Variants in HOMER2 observed in about 807,000 individuals in gnomAD.
The protein encoded by HOMER2 is homer scaffold protein 2, also known as homer protein homolog 2.
A neutral mutation model predicts 47.0 loss-of-function variants in HOMER2; 27 were observed. That is an observed-to-expected ratio of 0.57 (90% CI 0.42 to 0.79). HOMER2 has a LOEUF of 0.79. Among genes scored for constraint, HOMER2 ranks in the 30% least tolerant of loss-of-function variants. The pLI is 0.00. For synonymous variants in HOMER2, 161 were observed against 163.8 expected (o/e 0.98, Z 0.13); for missense variants, 443 against 435.0 (o/e 1.02, Z -0.16).
intron 8 of HOMER2, 54 bp downstream of exon 8, chr15:82,851,097 G>T: frequency 9.0e-7 from 1 of 1,115,214 alleles, no homozygotes; most frequent in Non-Finnish European, 1.3e-6. Context: ...TGAGTACCAT[G>T]ACATTTGTGC....
intron 1 of HOMER2, among the ~76,000 whole-genome samples, chr15:82,979,161 CTG>C (rs1312999014): frequency 6.6e-6 from 1 of 152,244 alleles, no homozygotes; most frequent in African/African-American, 2.4e-5. Flanking sequence ...CCGTGCTGCA[CTG>C]TGAGTCAATT....
intron 1 of HOMER2, among the ~76,000 whole-genome samples, chr15:82,915,876 G>C (rs368028304): frequency 6.6e-6 from 1 of 152,196 alleles, no homozygotes; most frequent in East Asian, 1.9e-4. Flanking sequence ...GTTGAGGATT[G>C]GTTAAATTAA....
intron 3 of HOMER2, among the ~76,000 whole-genome samples, chr15:82,865,263 G>A (rs1326763531): frequency 6.6e-6 from 1 of 152,160 alleles, no homozygotes; most frequent in African/African-American, 2.4e-5. Flanking sequence ...CTTAAAACAC[G>A]AGGTCCAGCA....
chr15:82,941,669 T>C (rs1313169514), intron 1 of HOMER2, among the ~76,000 whole-genome samples: 1 of 151,840 alleles, frequency 6.6e-6, no homozygotes, highest in Non-Finnish European at 1.5e-5. Flanking sequence ...GCCTCACCTA[T>C]GGCTGGCTCC....
At chr15:82,882,397 G>A (rs1280651469) in intron 2 of HOMER2, among the ~76,000 whole-genome samples, 1 of 152,158 alleles carries the variant, frequency 6.6e-6, no homozygotes. Context: ...AGCCAGGCAT[G>A]GCTGCCATCC....
intron 1 of HOMER2, among the ~76,000 whole-genome samples, chr15:82,930,316 C>T (rs1329470486): frequency 6.6e-6 from 1 of 152,156 alleles, no homozygotes; most frequent in Admixed American, 6.6e-5. Flanking sequence ...TTAGTTACCC[C>T]GGCAGAACTC....
chr15:82,871,406 G>C (rs1443157935), intron 3 of HOMER2, among the ~76,000 whole-genome samples: 1 of 152,190 alleles, frequency 6.6e-6, no homozygotes, highest in Non-Finnish European at 1.5e-5. Flanking sequence ...GCTCTGGGAA[G>C]TCAGGAATAC....
At chr15:82,920,771 C>T (rs997589639) in intron 1 of HOMER2, among the ~76,000 whole-genome samples, 3 of 151,952 alleles carry the variant, frequency 2.0e-5, no homozygotes, top group South Asian at 2.1e-4. Flanking sequence ...TATACGGTAA[C>T]GTAGGTTCAG....
intron 2 of HOMER2, among the ~76,000 whole-genome samples, chr15:82,877,740 G>T (rs1260358578): frequency 2.0e-5 from 3 of 152,118 alleles, no homozygotes; most frequent in Non-Finnish European, 2.9e-5. Flanking sequence ...GTCCATCTGA[G>T]TCAGGACATT....
rs114190706 is a variant in HOMER2, at chr15:82,878,263, T to G, written c.163-2859A>C. Among the ~76,000 whole-genome samples the G allele has an allele frequency of 5.9e-4, 90 of 152,324 alleles. 1 individual carries two copies. Among genetic ancestry groups the G allele is most frequent in the African/African-American group, 2.1e-3 (88 of 41,574 alleles). ...CAGGCTATCCCAGAGGCAGTCAAGC[T>G]AGAATAACAATGGTGATACCCCCTG... On this transcript the variant is annotated intron_variant, in intron 2 of 8. Coordinates refer to ENST00000450735, the MANE Select transcript of HOMER2 (RefSeq NM_004839.4).
At chr15:82,936,140 T>C (rs898405429) in intron 1 of HOMER2, among the ~76,000 whole-genome samples, 4 of 152,132 alleles carry the variant, frequency 2.6e-5, no homozygotes, top group African/African-American at 4.8e-5. Flanking sequence ...GACATCCCCC[T>C]CCTACTTGCA....
rs2051961716 is a variant in HOMER2 at position 82,866,238 on chromosome 15, C to T, written c.295-1979G>A. On this transcript the variant is annotated intron_variant, in intron 3 of 8. Transcript: ENST00000450735. ...TGTGAGACATGGATTAAAAGGAGATCATTTTGCAACTTTAAGATTTGACTG... is the reference window on the plus strand; with the variant it reads ...TGTGAGACATGGATTAAAAGGAGATTATTTTGCAACTTTAAGATTTGACTG... Among the ~76,000 whole-genome samples, 6 of 152,330 alleles carry T rather than the reference C, an allele frequency of 3.9e-5. 1 individual carries two copies. The South Asian group carries it at 1.2e-3, about 32-fold the overall frequency.
intron 1 of HOMER2, among the ~76,000 whole-genome samples, chr15:82,975,710 C>T (rs2030178112): frequency 6.6e-6 from 1 of 152,086 alleles, no homozygotes; most frequent in Non-Finnish European, 1.5e-5. Flanking sequence ...TTACCAGAGG[C>T]TAAGAAGGGT....
chr15:82,962,364 CA>C (rs34651312), intron 1 of HOMER2, among the ~76,000 whole-genome samples: 2,761 of 44,286 alleles, frequency 0.062, 52 homozygotes, highest in African/African-American at 0.18. Flanking sequence ...GACTCCGTCT[CA>C]AAAAAAAAAA....
chr15:82,976,741 G>A (rs1223517184), intron 1 of HOMER2, among the ~76,000 whole-genome samples: 1 of 145,390 alleles, frequency 6.9e-6, no homozygotes, highest in African/African-American at 2.6e-5. Context: ...GTACAATGGC[G>A]TGATCTTGGC....
intron 1 of HOMER2, among the ~76,000 whole-genome samples, chr15:82,924,195 C>G (rs1213976457): frequency 6.6e-6 from 1 of 152,096 alleles, no homozygotes; most frequent in Admixed American, 6.5e-5. Context: ...CTCTGGAGTG[C>G]TTTGGCTGCT....
chr15:82,985,732 A>T (rs2030572682), intron 1 of HOMER2: 1 of 152,246 alleles, frequency 6.6e-6, no homozygotes, highest in Admixed American at 6.5e-5. Flanking sequence ...TGGAGCAGAG[A>T]GGGGGTATGT....
chr15:82,870,949 G>A (rs1389359099), intron 3 of HOMER2, among the ~76,000 whole-genome samples: 2 of 152,230 alleles, frequency 1.3e-5, no homozygotes, highest in African/African-American at 2.4e-5. Flanking sequence ...GTGACAACTC[G>A]AGGTCAAATG....
exon 2 of HOMER2, chr15:82,837,813 T>G (rs921748680): frequency 6.6e-6 from 1 of 152,274 alleles, no homozygotes; most frequent in Non-Finnish European, 1.5e-5. Context: ...AGTAATAGTC[T>G]TCTTACTGTG....
Sources: gnomAD v4.1 joint callset for allele counts (sites outside exome capture counted in the v4.1 genomes callset) on GRCh38, gnomAD v4.1.1 for gene constraint, MANE v1.5 for transcripts, NCBI Gene and HGNC (gene_info 2026-07-23, HGNC 2026-07-21) for gene names.